MORC2: variants seen among roughly 807,000 people sequenced by gnomAD.
MORC2 encodes the protein ATPase MORC2.
MORC2 carries 30 observed loss-of-function variants against 136.0 expected under a neutral mutation model. That is an observed-to-expected ratio of 0.22 (90% confidence interval 0.17 to 0.30). The LOEUF (loss-of-function observed/expected upper bound fraction) is 0.30. Among genes scored for constraint, MORC2 ranks in the 10% least tolerant of loss-of-function variants. The pLI, the probability that MORC2 is intolerant of heterozygous loss-of-function variation, is 1.00. For synonymous variants in MORC2, 439 were observed against 487.0 expected (o/e 0.90, Z 1.30); for missense variants, 922 against 1,333.1 (o/e 0.69, Z 4.80).
chr22:30,949,843 C>CCTT lies in MORC2; in HGVS notation c.227-2_227-1insAAG. The CCTT allele has an allele frequency of 6.2e-7, 1 of 1,614,048 alleles. No individual in the cohort carries two copies. Among genetic ancestry groups the CCTT allele is most frequent in the Non-Finnish European group, 8.5e-7 (1 of 1,179,908 alleles). The stretch of plus-strand genomic sequence containing the variant: ...AACTGGATCACACTGGCAGCATCAC[C>CCTT]TGAAAGGGCAGACACAAGAGAAAGT... On this transcript the variant is annotated splice_acceptor_variant, in intron 4 of 25. Transcript: ENST00000397641. LOFTEE classifies it high-confidence loss of function.
In MORC2 at chr22:30,932,733, T is replaced by C. The variant is rs773690053; in HGVS notation, c.2559A>G (p.Lys853=). 2.6e-5 allele frequency: 42 copies of C among 1,613,842 alleles called. No individual in the cohort carries two copies. Among genetic ancestry groups the C allele is most frequent in the Non-Finnish European group, 3.4e-5 (40 of 1,179,970 alleles). ...EKGSEDVRLM[K]PPSPEHQSLD... ...GGCTCTGATGTTCCGGAGAAGGGGG[T>C]TTCATCAGCCGCACATCCTCACTGC... The change falls in exon 23 of 26, where the codon AAA becomes AAG. Residue 853 remains lysine (K), a synonymous_variant. Transcript: ENST00000397641. This position sits in a 1 kb window ranked among gnomAD's most constrained non-coding sequence, Gnocchi z 4.4.
rs762132412 is a variant in MORC2, at chr22:30,933,456, C to G, written c.2380+10G>C. The G allele has an allele frequency of 1.2e-6, 2 of 1,613,744 alleles. No individual in the cohort carries two copies. The highest frequency in any genetic ancestry group is 3.3e-5 in the Admixed American group (2 of 60,004). ...CCGCCACAGGCTGCCAAGTCACTCC[C>G]CCAGCTCACCTTTCTGAGCTCTCTT... On this transcript the variant is annotated intron_variant, in intron 21 of 25. Coordinates refer to ENST00000397641, the MANE Select transcript of MORC2 (RefSeq NM_001303256.3).
At chr22:30,950,320 G>C in intron 4 of MORC2, 57 bp downstream of exon 4, 2 of 1,525,298 alleles carry the variant, frequency 1.3e-6, no homozygotes, top group Non-Finnish European at 1.8e-6. Context: ...TAAGTATTTT[G>C]TAAAAATGGT....
At chr22:30,949,521 G>A (rs757087249) in intron 5 of MORC2, among the ~76,000 whole-genome samples, 1 of 152,178 alleles carries the variant, frequency 6.6e-6, no homozygotes, top group African/African-American at 2.4e-5. Context: ...CAAGAGAAAC[G>A]TACAGCCTCT....
chr22:30,941,560 T>C lies in MORC2; in HGVS notation c.699-2A>G. On this transcript the variant is annotated splice_acceptor_variant, in intron 8 of 25. Transcript: ENST00000397641. LOFTEE classifies it high-confidence loss of function. The surrounding 1 kb of genome is among the most constrained non-coding windows in gnomAD (Gnocchi z 4.6). The stretch of plus-strand genomic sequence containing the variant: ...CGGAACGAGCGCCGCTCTGGCTTCC[T>C]GGAGAGGGCAAAAACAGAGAAGTGC... 6.2e-7 allele frequency: 1 copy of C among 1,611,922 alleles called. No individual in the cohort carries two copies. Among genetic ancestry groups the C allele is most frequent in the Non-Finnish European group, 8.5e-7 (1 of 1,178,346 alleles).
At chr22:30,959,782 T>C (rs1302123516) in intron 1 of MORC2, among the ~76,000 whole-genome samples, 1 of 152,228 alleles carries the variant, frequency 6.6e-6, no homozygotes, top group Admixed American at 6.5e-5. Flanking sequence ...CAATTTTCAG[T>C]TAAAGTAAGA....
intron 3 of MORC2, among the ~76,000 whole-genome samples, chr22:30,954,952 A>ATTTTTTTT (rs34059352): frequency 4.7e-5 from 5 of 105,318 alleles, no homozygotes; most frequent in Non-Finnish European, 7.4e-5. Flanking sequence ...TGGCCTGAGC[A>ATTTTTTTT]TTTTTTTTTT....
chr22:30,934,257 A>C lies in MORC2; in HGVS notation c.2194-66T>G, dbSNP rs986882047. 16 of 1,603,902 alleles carry C rather than the reference A, an allele frequency of 1.0e-5. No individual in the cohort carries two copies. In the South Asian group the frequency reaches 1.3e-4, roughly 13 times the overall value. On this transcript the variant is annotated intron_variant, in intron 19 of 25. Transcript: ENST00000397641. This position sits in a 1 kb window ranked among gnomAD's most constrained non-coding sequence, Gnocchi z 4.4. Reference sequence around the variant, plus strand: ...AGCCTCTAAGGAGCAGGAAGATTTCATCTAGCCTAAAGGAGTCGTTCCAAG... The same window carrying C: ...AGCCTCTAAGGAGCAGGAAGATTTCCTCTAGCCTAAAGGAGTCGTTCCAAG...
chr22:30,949,852 C>A lies in MORC2; in HGVS notation c.227-10G>T, dbSNP rs761437906. ...ACACTGGCAGCATCACCTGAAAGGG[C>A]AGACACAAGAGAAAGTGAAAAGTTT... On this transcript the variant is annotated splice_polypyrimidine_tract_variant and intron_variant, in intron 4 of 25. Coordinates refer to ENST00000397641, the MANE Select transcript of MORC2 (RefSeq NM_001303256.3). 5.6e-6 allele frequency: 9 copies of A among 1,613,274 alleles called. No individual in the cohort carries two copies. The South Asian group carries it at 9.9e-5, about 18-fold the overall frequency.
At chr22:30,947,585 AG>A (rs1241674610) in intron 5 of MORC2, among the ~76,000 whole-genome samples, 1 of 152,150 alleles carries the variant, frequency 6.6e-6, no homozygotes, top group Non-Finnish European at 1.5e-5. Flanking sequence ...CCAAACACTC[AG>A]GAAAACTCCC....
chr22:30,939,738 G>A (rs1328187725), intron 11 of MORC2, 32 bp from the exon 12 acceptor site: 1 of 1,595,326 alleles, frequency 6.3e-7, no homozygotes, highest in Admixed American at 1.7e-5. Flanking sequence ...GAGGGGAGGT[G>A]GCACTCTAGG....
At chr22:30,952,489 G>A (rs1397101824) in intron 3 of MORC2, among the ~76,000 whole-genome samples, 1 of 152,188 alleles carries the variant, frequency 6.6e-6, no homozygotes, top group Non-Finnish European at 1.5e-5. Flanking sequence ...CTGGCTCAAG[G>A]ACTTCATTTC....
chr22:30,954,057 A>G (rs997349351), intron 3 of MORC2, among the ~76,000 whole-genome samples: 1 of 152,220 alleles, frequency 6.6e-6, no homozygotes, highest in African/African-American at 2.4e-5. Flanking sequence ...TAAGCCCAGC[A>G]CTTTGGGGGG....
rs2040475118 is a variant in MORC2 at position 30,925,848 on chromosome 22, G to A, written c.*955C>T. On this transcript the variant is annotated 3_prime_UTR_variant, in exon 26 of 26. Transcript: ENST00000397641. ...TGCCTCTGGAGTCCCTGTGGCCACG[G>A]GATCTCACTGGCCCCCTCTTCAGGC... The A allele has an allele frequency of 6.5e-6, 1 of 153,386 alleles. No homozygotes were observed. The highest frequency in any genetic ancestry group is 2.1e-4 in the South Asian group (1 of 4,832). The allele number at this position is 153,386 out of a possible 1,614,324, so 9.5% of individuals were successfully genotyped here.
intron 1 of MORC2, among the ~76,000 whole-genome samples, chr22:30,961,673 C>T (rs920778743): frequency 1.3e-5 from 2 of 152,198 alleles, no homozygotes; most frequent in Non-Finnish European, 2.9e-5. Flanking sequence ...AATGTACTAA[C>T]TTCAGAATAA....
intron 17 of MORC2, 131 bp downstream of exon 17, chr22:30,936,380 G>C: frequency 7.7e-7 from 1 of 1,291,414 alleles, no homozygotes; most frequent in Non-Finnish European, 1.1e-6. Context: ...GGGTTGGAAA[G>C]CTTTGGCAAA....
In MORC2 at chr22:30,932,612, T is replaced by C. The variant is rs1376706321; in HGVS notation, c.2680A>G (p.Ile894Val). The change falls in exon 23 of 26, where the codon ATT becomes GTT. Residue 894 changes from isoleucine (I) to valine (V), a missense_variant. Physicochemically the swap from Ile to Val is conservative, Grantham distance 29 (BLOSUM62 3). Coordinates refer to ENST00000397641, the MANE Select transcript of MORC2 (RefSeq NM_001303256.3). The surrounding 1 kb of genome is among the most constrained non-coding windows in gnomAD (Gnocchi z 4.4). ...CTCAGGGCAGTGGTGTCAGGCTCAA[T>C]GCGGAGGCATTCGGAAGTGGAGGGC... ...AEPSTSECLR[I>V]EPDTTALSTN... 9 of 1,614,034 alleles carry C rather than the reference T, an allele frequency of 5.6e-6. 1 individual carries two copies. Among genetic ancestry groups the C allele is most frequent in the East Asian group, 2.2e-5 (1 of 44,858 alleles).
chr22:30,968,104 G>C lies in MORC2; in HGVS notation c.-215C>G, dbSNP rs1012062949. 1.1e-5 allele frequency: 6 copies of C among 532,974 alleles called. No individual in the cohort carries two copies. Among genetic ancestry groups the C allele is most frequent in the African/African-American group, 9.6e-5 (5 of 51,858 alleles). 33.0% of individuals were successfully genotyped at this position (532,974 alleles called of 1,614,324 possible). A position where few individuals can be genotyped will look rare whatever the true frequency, so the allele number is the denominator to read the frequency against. On this transcript the variant is annotated 5_prime_UTR_variant, in exon 1 of 26. In the 5' UTR this introduces an upstream ATG that the reference lacks. Transcript: ENST00000397641. ...TTTTTTAATCTTCTCAATGATTTAT[G>C]ATGTAATATTTTGGAAGGAACTATG...
chr22:30,946,541 G>T, intron 5 of MORC2, 92 bp from the exon 6 acceptor site: 2 of 1,131,262 alleles, frequency 1.8e-6, no homozygotes, highest in Middle Eastern at 2.0e-4. Context: ...GATTGAAAGT[G>T]CCACTGGAGG....
Sources: gnomAD v4.1 joint callset for allele counts (sites outside exome capture counted in the v4.1 genomes callset) on GRCh38, gnomAD v4.1.1 for gene constraint, Gnocchi (gnomAD v3.1) non-coding constraint, MANE v1.5 for transcripts, NCBI Gene and HGNC (gene_info 2026-07-23, HGNC 2026-07-21) for gene names.